The following SEL1L variants were observed in gnomAD, a reference collection of about 807,000 sequenced individuals.
The protein encoded by SEL1L is protein sel-1 homolog 1.
SEL1L carries 52 observed loss-of-function variants against 109.8 expected under a neutral mutation model. The observed-to-expected ratio is 0.47, with a 90% CI of 0.38 to 0.60. SEL1L has a LOEUF of 0.60. Among genes scored for constraint, SEL1L ranks in the 20% least tolerant of loss-of-function variants. SEL1L has a pLI of 0.00. For missense variants in SEL1L, 749 were observed against 962.2 expected, an observed-to-expected ratio of 0.78 and a Z score of 2.93; for synonymous variants, 373 against 339.6, an observed-to-expected ratio of 1.10 and a Z score of -1.08.
intron 3 of SEL1L, 105 bp from the exon 4 acceptor site, chr14:81,506,346 G>T: frequency 1.1e-6 from 1 of 941,826 alleles, no homozygotes; most frequent in Non-Finnish European, 1.5e-6. Flanking sequence ...AAAGATTCAT[G>T]ATGCCTGATT....
chr14:81,478,123 T>G (rs1187455294), intron 20 of SEL1L, among the ~76,000 whole-genome samples: 1 of 152,214 alleles, frequency 6.6e-6, no homozygotes, highest in Non-Finnish European at 1.5e-5. Flanking sequence ...TGACTTTTAT[T>G]ATACTTACCC....
Position 81,473,370 on chromosome 14 carries a change from C to A in SEL1L, c.*3602G>T, listed in dbSNP as rs952751786. On this transcript the variant is annotated 3_prime_UTR_variant, in exon 21 of 21. Transcript: ENST00000336735. Reference sequence around the variant, plus strand: ...TTTCCTTGGGATCGTTTTAAATTTTCTTGAAATACCAAGTGGGTGGAGAGC... The same window carrying A: ...TTTCCTTGGGATCGTTTTAAATTTTATTGAAATACCAAGTGGGTGGAGAGC... 6.6e-6 allele frequency: 1 copy of A among 152,122 alleles called. No homozygotes were observed. The highest frequency in any genetic ancestry group is 1.5e-5 in the Non-Finnish European group (1 of 68,008). The allele number at this position is 152,122 out of a possible 1,614,324, so 9.4% of individuals were successfully genotyped here. A position where few individuals can be genotyped will look rare whatever the true frequency, so the allele number is the denominator to read the frequency against.
chr14:81,479,066 A>C (rs1903260685), intron 20 of SEL1L, among the ~76,000 whole-genome samples: 1 of 152,170 alleles, frequency 6.6e-6, no homozygotes, highest in Non-Finnish European at 1.5e-5. Context: ...TTGCCAACTA[A>C]AGTTGGTAAT....
In SEL1L at chr14:81,478,310, G is replaced by A. The variant is rs142731506; in HGVS notation, c.2176-1129C>T. Among the ~76,000 whole-genome samples, 927 of 152,152 alleles carry A rather than the reference G, an allele frequency of 6.1e-3. 14 individuals are homozygous for A. In the South Asian group the frequency reaches 0.064, roughly 11 times the overall value. Reference sequence around the variant, plus strand: ...AGATTTGTGTTCTTCTGTACTGTTTGACTTTCTTATGATCGATACTTATTA... The same window carrying A: ...AGATTTGTGTTCTTCTGTACTGTTTAACTTTCTTATGATCGATACTTATTA... On this transcript the variant is annotated intron_variant, in intron 20 of 20. Transcript: ENST00000336735.
At chr14:81,492,569 A>C in intron 11 of SEL1L, 21 bp from the exon 12 acceptor site, 1 of 1,515,692 alleles carries the variant, frequency 6.6e-7, no homozygotes. Flanking sequence ...AGAATTTATT[A>C]AAATAATTAG....
At chr14:81,506,021 A>T in intron 4 of SEL1L, 53 bp downstream of exon 4, 4 of 1,545,216 alleles carry the variant, frequency 2.6e-6, no homozygotes, top group Non-Finnish European at 3.5e-6. Flanking sequence ...CCTTAAAAAC[A>T]TTGCCCTAGA....
intron 3 of SEL1L, among the ~76,000 whole-genome samples, chr14:81,508,870 A>G (rs1884347849): frequency 6.6e-6 from 1 of 152,240 alleles, no homozygotes; most frequent in Non-Finnish European, 1.5e-5. Flanking sequence ...TGTTTCAAAT[A>G]TATGAAATAA....
At chr14:81,496,700 A>G (rs1482055104) in intron 10 of SEL1L, among the ~76,000 whole-genome samples, 1 of 152,246 alleles carries the variant, frequency 6.6e-6, no homozygotes, top group African/African-American at 2.4e-5. Context: ...AGATAGTGGC[A>G]CTGGGCAACA....
rs201682834 is a variant in SEL1L, at chr14:81,510,212, GAGT to G, written c.341-3974_341-3972del. ...CAATTAGAATGTGACTAGTGGAGAAGAGTAGATTTAGCAGTCTGGAGGAGGCTC... is the reference window on the plus strand; with the variant it reads ...CAATTAGAATGTGACTAGTGGAGAAGAGATTTAGCAGTCTGGAGGAGGCTC... On this transcript the variant is annotated intron_variant, in intron 3 of 20. Transcript: ENST00000336735. 3.3e-5 allele frequency among the ~76,000 whole-genome samples: 5 copies of G among 152,312 alleles called. No homozygotes were observed. The East Asian group carries it at 9.7e-4, about 29-fold the overall frequency.
intron 10 of SEL1L, among the ~76,000 whole-genome samples, chr14:81,496,508 G>A (rs1883755553): frequency 6.6e-6 from 1 of 152,184 alleles, no homozygotes; most frequent in Non-Finnish European, 1.5e-5. Context: ...GGAGGCTGAG[G>A]TGGGTGGGAT....
chr14:81,508,391 A>G (rs1884327623), intron 3 of SEL1L, among the ~76,000 whole-genome samples: 2 of 152,070 alleles, frequency 1.3e-5, no homozygotes, highest in African/African-American at 4.8e-5. Context: ...TGACTACAGA[A>G]TTTGGAAAGG....
At chr14:81,533,580 C>T (rs1040533686) in intron 1 of SEL1L, 95 bp downstream of exon 1, 7 of 1,182,630 alleles carry the variant, frequency 5.9e-6, no homozygotes, top group Non-Finnish European at 7.3e-6. Context: ...CCAGGGAGAA[C>T]GGGGTCCCGA....
intron 6 of SEL1L, among the ~76,000 whole-genome samples, chr14:81,502,209 GAGAA>G (rs1884043739): frequency 6.6e-6 from 1 of 152,086 alleles, no homozygotes; most frequent in African/African-American, 2.4e-5. Context: ...TATACACAAA[GAGAA>G]AGATCTATTA....
In SEL1L at chr14:81,498,406, T is replaced by C. The variant is rs548245200; in HGVS notation, c.973+7A>G. ...TTCCTAAAAGGTAAAAGGGGAAACA[T>C]AGATACCATGATTGGCAACAAGACG... On this transcript the variant is annotated splice_region_variant and intron_variant, in intron 9 of 20. Coordinates refer to ENST00000336735, the MANE Select transcript of SEL1L (RefSeq NM_005065.6). 16 of 1,607,908 alleles carry C rather than the reference T, an allele frequency of 1.0e-5. No individual in the cohort carries two copies. The African/African-American group carries it at 1.1e-4, about 11-fold the overall frequency.
intron 1 of SEL1L, among the ~76,000 whole-genome samples, chr14:81,531,189 G>T (rs932680870): frequency 1.3e-5 from 2 of 152,208 alleles, no homozygotes; most frequent in Non-Finnish European, 2.9e-5. Flanking sequence ...CTAGGTGACA[G>T]GAATTTTTCA....
chr14:81,508,435 G>T (rs528913059), intron 3 of SEL1L, among the ~76,000 whole-genome samples: 151 of 152,154 alleles, frequency 9.9e-4, no homozygotes, highest in African/African-American at 3.5e-3. Context: ...ATCCAAATCT[G>T]CCGCTGCTTT....
chr14:81,533,156 C>T (rs2140071746), intron 1 of SEL1L, among the ~76,000 whole-genome samples: 1 of 152,306 alleles, frequency 6.6e-6, no homozygotes, highest in African/African-American at 2.4e-5. Flanking sequence ...TAAAAAGTGG[C>T]TACGATGAGA....
At chr14:81,529,100 C>A (rs990812731) in intron 1 of SEL1L, among the ~76,000 whole-genome samples, 1 of 152,104 alleles carries the variant, frequency 6.6e-6, no homozygotes, top group Admixed American at 6.6e-5. Context: ...TTACTTCTGG[C>A]AGGTGGAGAG....
Position 81,527,737 on chromosome 14 carries a change from A to G in SEL1L, c.72T>C (p.Asp24=), listed in dbSNP as rs1271864752. ...AGGATTCATCCTGGCTGCCTTCTTC[A>G]TCTGCAAAGAAATTTTAAGACAATT... ...VLLSLASASS[D]EEGSQDESLD... Residue 24 remains aspartate (D), a splice_region_variant and synonymous_variant, in exon 2 of 21, where the codon GAT becomes GAC. Transcript: ENST00000336735. The G allele has an allele frequency of 6.2e-7, 1 of 1,600,662 alleles. No individual in the cohort carries two copies.
Sources: allele counts gnomAD v4.1 joint callset (sites outside exome capture counted in the v4.1 genomes callset), GRCh38; gene constraint gnomAD v4.1.1; transcripts MANE v1.5; gene names NCBI Gene and HGNC (gene_info 2026-07-23, HGNC 2026-07-21).